Variants in RPS6KA2 observed in about 807,000 individuals in gnomAD.
RPS6KA2 encodes ribosomal protein S6 kinase A2.
Under a neutral mutation model 91.8 loss-of-function variants are expected in RPS6KA2, and 42 were observed. The observed-to-expected ratio is 0.46, with a 90% CI of 0.36 to 0.59. The LOEUF is 0.59. RPS6KA2 is among the 20% of genes least tolerant of loss of function. The pLI, the probability that RPS6KA2 is intolerant of heterozygous loss-of-function variation, is 0.00. For synonymous variants in RPS6KA2, 414 were observed against 393.6 expected (o/e 1.05, Z -0.61); for missense variants, 798 against 978.5 (o/e 0.82, Z 2.46).
chr6:166,798,648 T>C (rs946455804), intron 2 of RPS6KA2, among the ~76,000 whole-genome samples: 3 of 152,230 alleles, frequency 2.0e-5, no homozygotes, highest in African/African-American at 4.8e-5. Flanking sequence ...ATGGGGCACA[T>C]GGCATAAGTA....
At chr6:166,478,660 C>T (rs911173191) in intron 10 of RPS6KA2, among the ~76,000 whole-genome samples, 24 of 152,340 alleles carry the variant, frequency 1.6e-4, no homozygotes, top group African/African-American at 5.8e-4. Context: ...AGATAACGTT[C>T]CTCTGTTCTG....
At chr6:166,645,375 A>G (rs1341874755) in intron 2 of RPS6KA2, among the ~76,000 whole-genome samples, 1 of 152,034 alleles carries the variant, frequency 6.6e-6, no homozygotes, top group Non-Finnish European at 1.5e-5. Flanking sequence ...GTAAAAGAAC[A>G]CTGAGAATGG....
At chr6:166,802,081 C>A (rs1055555419) in intron 2 of RPS6KA2, among the ~76,000 whole-genome samples, 1 of 151,966 alleles carries the variant, frequency 6.6e-6, no homozygotes, top group South Asian at 2.1e-4. Flanking sequence ...CACGGTGAAA[C>A]CCCATCTCTA....
intron 3 of RPS6KA2, among the ~76,000 whole-genome samples, 195 bp from the exon 4 acceptor site, chr6:166,510,552 CTCATATATATATATATATATAT>C (rs1457978057): frequency 1.1e-4 from 7 of 66,530 alleles, no homozygotes; most frequent in African/African-American, 3.8e-4. Context: ...CTTTCTCTCT[CTCATATATATATATATATATAT>C]ATATATATAT....
intron 2 of RPS6KA2, among the ~76,000 whole-genome samples, chr6:166,724,610 C>T (rs575463894): frequency 4.7e-4 from 71 of 152,324 alleles, no homozygotes; most frequent in Admixed American, 1.3e-3. Context: ...GACACGGCCA[C>T]GGCCTCAGCT....
intron 2 of RPS6KA2, among the ~76,000 whole-genome samples, chr6:166,742,933 C>T (rs74768819): frequency 2.0e-3 from 307 of 152,298 alleles, no homozygotes; most frequent in African/African-American, 7.1e-3. Flanking sequence ...GCTGAAATAA[C>T]GCAAAATCAT....
chr6:166,480,831 G>T (rs971576951), intron 10 of RPS6KA2, among the ~76,000 whole-genome samples: 3 of 152,010 alleles, frequency 2.0e-5, no homozygotes, highest in Admixed American at 2.0e-4. Flanking sequence ...TGTATTTTTG[G>T]TAGAGATGGG....
chr6:166,681,285 A>G (rs1788800233), intron 2 of RPS6KA2, among the ~76,000 whole-genome samples: 2 of 152,256 alleles, frequency 1.3e-5, no homozygotes, highest in Admixed American at 1.3e-4. Context: ...TGGGTTGCAC[A>G]ATGGACTTGT....
chr6:166,537,529 C>T lies in RPS6KA2; in HGVS notation c.216+1139G>A, dbSNP rs567768402. Among the ~76,000 whole-genome samples the T allele has an allele frequency of 5.9e-5, 9 of 152,290 alleles. No individual in the cohort carries two copies. In the South Asian group the frequency reaches 1.0e-3, roughly 18 times the overall value. ...GGTAATTTCCTATGGTTTAATCTAACGTATAAAAATTTTACAAACAATCCA... is the reference window on the plus strand; with the variant it reads ...GGTAATTTCCTATGGTTTAATCTAATGTATAAAAATTTTACAAACAATCCA... On this transcript the variant is annotated intron_variant, in intron 2 of 20. Transcript: ENST00000265678.
intron 2 of RPS6KA2, among the ~76,000 whole-genome samples, chr6:166,664,490 A>T (rs1372622528): frequency 1.3e-5 from 2 of 152,204 alleles, no homozygotes; most frequent in African/African-American, 2.4e-5. Flanking sequence ...GGAAGATGAA[A>T]CTGTGCCTGC....
chr6:166,862,444 G>A, exon 1 of RPS6KA2: 1 of 1,225,926 alleles, frequency 8.2e-7, no homozygotes, highest in Non-Finnish European at 1.1e-6. Flanking sequence ...GGGAGCTGCT[G>A]CCGCTTCCCG....
intron 2 of RPS6KA2, among the ~76,000 whole-genome samples, chr6:166,762,305 G>T (rs1023413216): frequency 6.6e-6 from 1 of 152,202 alleles, no homozygotes; most frequent in Non-Finnish European, 1.5e-5. Flanking sequence ...AGCCATGTCA[G>T]CTCAACCTTA....
intron 2 of RPS6KA2, among the ~76,000 whole-genome samples, chr6:166,640,516 G>A (rs1787396628): frequency 1.3e-5 from 2 of 152,274 alleles, no homozygotes; most frequent in African/African-American, 4.8e-5. Context: ...CTGGGGCTGG[G>A]AGGCAGCACC....
chr6:166,764,936 A>C (rs1168775429), intron 2 of RPS6KA2, among the ~76,000 whole-genome samples: 1 of 152,240 alleles, frequency 6.6e-6, no homozygotes, highest in Non-Finnish European at 1.5e-5. Flanking sequence ...CCTTGACGTT[A>C]TCTCTACCGA....
At chr6:166,670,859 C>T (rs921689049) in intron 2 of RPS6KA2, among the ~76,000 whole-genome samples, 6 of 152,164 alleles carry the variant, frequency 3.9e-5, no homozygotes, top group Admixed American at 1.3e-4. Flanking sequence ...CTCACTCTGT[C>T]GCCCAGGCTG....
rs1184889974 is a variant in RPS6KA2, at chr6:166,418,253, T to A, written c.1910A>T (p.Asn637Ile). 1 of 1,613,338 alleles carries A rather than the reference T, an allele frequency of 6.2e-7. No individual in the cohort carries two copies. The highest frequency in any genetic ancestry group is 2.2e-5 in the East Asian group (1 of 44,870). Residue 637 changes from asparagine to isoleucine, a missense_variant, in exon 19 of 21, where the codon AAC becomes ATC. Physicochemically the swap from Asn to Ile is moderately radical, Grantham distance 149. Coordinates refer to ENST00000265678, the MANE Select transcript of RPS6KA2 (RefSeq NM_021135.6). The surrounding 1 kb of genome is among the most constrained non-coding windows in gnomAD (Gnocchi z 4.9). ...GSGKYALSGG[N>I]WDSISDAAKD... is the part of the protein sequence containing the mutation. ...AGCTGCGTCAGATATCGAGTCCCAG[T>A]TTCCCCCAGAAAGGGCATACTTCCC... is the stretch of plus-strand genomic sequence containing the variant.
At chr6:166,798,660 T>G (rs944941367) in intron 2 of RPS6KA2, among the ~76,000 whole-genome samples, 1 of 152,070 alleles carries the variant, frequency 6.6e-6, no homozygotes, top group Non-Finnish European at 1.5e-5. Flanking sequence ...GCATAAGTAT[T>G]TTTAAAGTAA....
rs186091704 is a variant in RPS6KA2, at chr6:166,638,844, G to A, written c.124-100060C>T. On this transcript the variant is annotated intron_variant, in intron 2 of 21. Coordinates refer to the RPS6KA2 transcript ENST00000503859. ...TACAGGACAGGCTCATTACCAAGAC[G>A]TGTCCATCAAAAATGTCAGTAGTTT... Among the ~76,000 whole-genome samples the A allele has an allele frequency of 3.3e-5, 5 of 152,320 alleles. 1 individual carries two copies. Among genetic ancestry groups the A allele is most frequent in the Admixed American group, 3.3e-4 (5 of 15,302 alleles).
chr6:166,466,020 G>C (rs1192992382), intron 11 of RPS6KA2, among the ~76,000 whole-genome samples: 1 of 152,226 alleles, frequency 6.6e-6, no homozygotes, highest in African/African-American at 2.4e-5. Context: ...GGGAAGTACA[G>C]ACATGAAGGA....
Sources: gnomAD v4.1 joint callset for allele counts (sites outside exome capture counted in the v4.1 genomes callset) on GRCh38, gnomAD v4.1.1 for gene constraint, Gnocchi (gnomAD v3.1) non-coding constraint, MANE v1.5 for transcripts, NCBI Gene and HGNC (gene_info 2026-07-23, HGNC 2026-07-21) for gene names.